GRID2: variants seen among roughly 807,000 people sequenced by gnomAD.
GRID2 encodes glutamate ionotropic receptor delta type subunit 2.
Under a neutral mutation model 114.8 loss-of-function variants are expected in GRID2, and 33 were observed. The observed-to-expected ratio is 0.29, with a 90% CI of 0.22 to 0.38. The LOEUF (loss-of-function observed/expected upper bound fraction) is 0.38, where lower values mean the gene tolerates loss of function less well. Ranked by LOEUF, GRID2 falls within the 10% of genes least tolerant of loss-of-function variation. The pLI is 1.00. For synonymous variants in GRID2, 505 were observed against 449.9 expected, an observed-to-expected ratio of 1.12 and a Z score of -1.55; for missense variants, 1,184 against 1,257.7, an observed-to-expected ratio of 0.94 and a Z score of 0.89.
chr4:93,509,298 T>C (rs1283146805), intron 12 of GRID2, among the ~76,000 whole-genome samples: 1 of 151,928 alleles, frequency 6.6e-6, no homozygotes, highest in Non-Finnish European at 1.5e-5. Context: ...ATTTAGGAGG[T>C]AAAATATACA....
intron 5 of GRID2, among the ~76,000 whole-genome samples, chr4:93,215,345 A>G (rs968058250): frequency 6.6e-6 from 1 of 152,102 alleles, no homozygotes; most frequent in African/African-American, 2.4e-5. Flanking sequence ...AAAAATTGGA[A>G]GACATTGAAT....
At chr4:92,879,487 T>A (rs1436834782) in intron 2 of GRID2, among the ~76,000 whole-genome samples, 1 of 152,188 alleles carries the variant, frequency 6.6e-6, no homozygotes, top group Non-Finnish European at 1.5e-5. Context: ...AGTAGCAGTG[T>A]ATACCCATAC....
At chr4:92,990,287 G>GTGTA (rs1167283903) in intron 2 of GRID2, among the ~76,000 whole-genome samples, 5 of 127,072 alleles carry the variant, frequency 3.9e-5, no homozygotes, top group East Asian at 2.3e-4. Flanking sequence ...ATATGTGTGT[G>GTGTA]TATATATATA....
At chr4:93,574,803 T>C (rs1399420483) in intron 13 of GRID2, among the ~76,000 whole-genome samples, 1 of 152,206 alleles carries the variant, frequency 6.6e-6, no homozygotes, top group African/African-American at 2.4e-5. Context: ...GCTTTATAAG[T>C]TGTCTCAGTT....
chr4:92,360,285 C>A (rs1247913783), intron 1 of GRID2, among the ~76,000 whole-genome samples: 2 of 151,898 alleles, frequency 1.3e-5, no homozygotes, highest in African/African-American at 4.8e-5. Context: ...CTACCTCTCT[C>A]TTTTCTGCAT....
intron 1 of GRID2, among the ~76,000 whole-genome samples, chr4:92,553,031 C>T (rs970813521): frequency 2.0e-5 from 3 of 152,126 alleles, no homozygotes; most frequent in African/African-American, 7.2e-5. Context: ...TGCAACATAC[C>T]TACTTGCTTA....
chr4:93,165,584 A>G (rs1234370381), intron 4 of GRID2, among the ~76,000 whole-genome samples: 1 of 152,140 alleles, frequency 6.6e-6, no homozygotes, highest in Non-Finnish European at 1.5e-5. Context: ...TGACTCTTCC[A>G]AAAGAGCTTC....
chr4:93,627,812 C>A (rs77804400), intron 14 of GRID2, among the ~76,000 whole-genome samples: 1,586 of 152,330 alleles, frequency 0.01, 35 homozygotes, highest in African/African-American at 0.036. Flanking sequence ...CAAAGCAAGT[C>A]TCATGGCCAA....
At chr4:93,169,910 C>G (rs958544771) in intron 4 of GRID2, among the ~76,000 whole-genome samples, 1 of 152,154 alleles carries the variant, frequency 6.6e-6, no homozygotes, top group Non-Finnish European at 1.5e-5. Context: ...TTTTGAATGA[C>G]ACTTATAAAT....
intron 2 of GRID2, among the ~76,000 whole-genome samples, chr4:92,742,973 A>T (rs1322470618): frequency 6.6e-6 from 1 of 152,138 alleles, no homozygotes; most frequent in Non-Finnish European, 1.5e-5. Context: ...TCTTATATGT[A>T]TTTAATAATC....
chr4:93,663,077 C>A (rs887457775), intron 14 of GRID2, among the ~76,000 whole-genome samples: 1 of 152,096 alleles, frequency 6.6e-6, no homozygotes. Flanking sequence ...AAATGCCAGG[C>A]AAACTTTGAA....
At chr4:93,801,939 G>A (rs1734939504) in intron 1 of GRID2, among the ~76,000 whole-genome samples, 2 of 152,180 alleles carry the variant, frequency 1.3e-5, no homozygotes, top group Admixed American at 1.3e-4. Flanking sequence ...AAATGATATA[G>A]CATATATCCC....
chr4:93,608,530 A>C lies in GRID2; in HGVS notation c.2194-17739A>C, dbSNP rs373032016. 2.3e-4 allele frequency among the ~76,000 whole-genome samples: 34 copies of C among 145,764 alleles called. 1 individual carries two copies. Among genetic ancestry groups the C allele is most frequent in the Admixed American group, 7.5e-4 (11 of 14,624 alleles). On this transcript the variant is annotated intron_variant, in intron 13 of 15. Transcript: ENST00000282020. ...CCTGTGTCCATGTGATCTCATTGTT[A>C]AATTCCCACCTATGAGTGAGAATAC...
chr4:93,802,360 G>A (rs1734949016), intron 1 of GRID2, among the ~76,000 whole-genome samples: 1 of 152,002 alleles, frequency 6.6e-6, no homozygotes, highest in South Asian at 2.1e-4. Flanking sequence ...CATTGACTTT[G>A]ACTCTATGTG....
At position 92,693,857 on chromosome 4, in the gene GRID2, G is replaced by A. The variant is rs72883934; in HGVS notation, c.244+103571G>A. ...TAGGATAGATTAAAATGTATGAGAAGATAAGAAAATATATGATATTACACG... is the reference window on the plus strand; with the variant it reads ...TAGGATAGATTAAAATGTATGAGAAAATAAGAAAATATATGATATTACACG... On this transcript the variant is annotated intron_variant, in intron 2 of 15. Transcript: ENST00000282020. Among the ~76,000 whole-genome samples, 861 of 152,270 alleles carry A rather than the reference G, an allele frequency of 5.7e-3. 9 individuals carry two copies. Among genetic ancestry groups the A allele is most frequent in the African/African-American group, 0.02 (822 of 41,552 alleles).
chr4:92,652,393 T>G (rs1011832846), intron 2 of GRID2, among the ~76,000 whole-genome samples: 1 of 151,776 alleles, frequency 6.6e-6, no homozygotes, highest in African/African-American at 2.4e-5. Flanking sequence ...AAATCAAATA[T>G]AGCCAAGCAC....
chr4:92,999,814 G>C (rs1182740031), intron 2 of GRID2, among the ~76,000 whole-genome samples: 1 of 151,176 alleles, frequency 6.6e-6, no homozygotes, highest in Non-Finnish European at 1.5e-5. Flanking sequence ...ACATGCTGTC[G>C]AATTGCTCTC....
chr4:92,895,644 A>C (rs1747111937), intron 2 of GRID2, among the ~76,000 whole-genome samples: 1 of 151,936 alleles, frequency 6.6e-6, no homozygotes, highest in Non-Finnish European at 1.5e-5. Flanking sequence ...GTAGTTTATA[A>C]AGACTCTCAT....
intron 13 of GRID2, among the ~76,000 whole-genome samples, chr4:93,625,973 T>G (rs1056881391): frequency 1.3e-5 from 2 of 152,158 alleles, no homozygotes; most frequent in Non-Finnish European, 2.9e-5. Context: ...ACATAGCATA[T>G]GTACATTGTA....
Sources: allele counts gnomAD v4.1 joint callset (sites outside exome capture counted in the v4.1 genomes callset), GRCh38; gene constraint gnomAD v4.1.1; transcripts MANE v1.5; gene names NCBI Gene and HGNC (gene_info 2026-07-23, HGNC 2026-07-21).